The following MITF variants were observed in gnomAD, a reference collection of about 807,000 sequenced individuals.
The protein encoded by MITF is melanocyte inducing transcription factor.
Under a neutral mutation model 60.5 loss-of-function variants are expected in MITF, and 17 were observed. The ratio of observed to expected loss-of-function variants is 0.28; its 90% CI spans 0.19 to 0.42. The LOEUF (loss-of-function observed/expected upper bound fraction) is 0.42, where lower values mean the gene tolerates loss of function less well. MITF is among the 10% of genes least tolerant of loss of function. MITF has a pLI of 1.00. For missense variants in MITF, 622 were observed against 683.5 expected, an observed-to-expected ratio of 0.91 and a Z score of 1.00; for synonymous variants, 260 against 248.5, an observed-to-expected ratio of 1.05 and a Z score of -0.43.
chr3:69,879,842 G>A (rs9850565), intron 2 of MITF, among the ~76,000 whole-genome samples: 3,736 of 152,256 alleles, frequency 0.025, 143 homozygotes, highest in African/African-American at 0.083. Context: ...TTGAAGAAGA[G>A]CTTTCTGCGC....
At chr3:69,769,693 A>G (rs886247056) in intron 1 of MITF, 3 of 152,214 alleles carry the variant, frequency 2.0e-5, no homozygotes, top group African/African-American at 7.2e-5. Context: ...AAAGTGCACT[A>G]CAGCCCGGAA....
At chr3:69,782,933 A>G (rs534313884) in intron 1 of MITF, among the ~76,000 whole-genome samples, 3 of 152,358 alleles carry the variant, frequency 2.0e-5, no homozygotes, top group African/African-American at 7.2e-5. Flanking sequence ...CATTTCCTTA[A>G]CAGAGATGAG....
At chr3:69,852,302 C>T (rs1427006762) in intron 1 of MITF, among the ~76,000 whole-genome samples, 2 of 152,208 alleles carry the variant, frequency 1.3e-5, no homozygotes, top group East Asian at 1.9e-4. Flanking sequence ...TAGAGCATCA[C>T]TAGCACCCTT....
chr3:69,841,042 C>T (rs902422129), intron 1 of MITF, among the ~76,000 whole-genome samples: 5 of 152,168 alleles, frequency 3.3e-5, no homozygotes, highest in African/African-American at 1.2e-4. Context: ...GGGTGTGAGC[C>T]ACCACACCAG....
intron 1 of MITF, among the ~76,000 whole-genome samples, chr3:69,783,779 A>T (rs1415239881): frequency 6.6e-6 from 1 of 152,104 alleles, no homozygotes; most frequent in Non-Finnish European, 1.5e-5. Context: ...TGTCAGGGTC[A>T]CCTGGGGATG....
At chr3:69,922,255 C>T (rs572945224) in intron 2 of MITF, among the ~76,000 whole-genome samples, 1 of 152,202 alleles carries the variant, frequency 6.6e-6, no homozygotes, top group African/African-American at 2.4e-5. Context: ...CGGAGTCTCA[C>T]TCTGTCGCCA....
chr3:69,856,341 G>A (rs1457375251), intron 1 of MITF, among the ~76,000 whole-genome samples: 5 of 152,106 alleles, frequency 3.3e-5, no homozygotes, highest in Non-Finnish European at 7.4e-5. Flanking sequence ...ATGGAAATAG[G>A]TATTAAAATC....
At chr3:69,955,671 C>T (rs2066378610) in intron 7 of MITF, among the ~76,000 whole-genome samples, 2 of 151,876 alleles carry the variant, frequency 1.3e-5, no homozygotes, top group Admixed American at 1.3e-4. Flanking sequence ...AAAAATTAGC[C>T]AGGTGTGGTG....
chr3:69,909,556 G>C (rs2065177462), intron 2 of MITF, among the ~76,000 whole-genome samples: 1 of 152,150 alleles, frequency 6.6e-6, no homozygotes, highest in South Asian at 2.1e-4. Context: ...CTTGTTGAAT[G>C]GCTTTGACTA....
chr3:69,833,989 G>C (rs1185670838), intron 1 of MITF, among the ~76,000 whole-genome samples: 1 of 152,126 alleles, frequency 6.6e-6, no homozygotes, highest in East Asian at 1.9e-4. Context: ...CTTGAATTGT[G>C]ACTCAAAACA....
In MITF at chr3:69,965,212, C is replaced by G. The variant is rs749872337; in HGVS notation, c.1545C>G (p.Ser515Arg). The change falls in exon 10 of 10, where the codon AGC (serine) becomes AGG (arginine). Residue 515 changes from serine (S) to arginine (R), a missense_variant. Transcript: ENST00000352241. ...PGASKTSSRR[S>R]SMSMEETEHT... The stretch of plus-strand genomic sequence containing the variant: ...CTTCCAAAACAAGCAGCCGGAGGAG[C>G]AGTATGAGCATGGAAGAGACGGAGC... 2.5e-6 allele frequency: 4 copies of G among 1,613,872 alleles called. No individual in the cohort carries two copies. Among genetic ancestry groups the G allele is most frequent in the African/African-American group, 1.3e-5 (1 of 75,034 alleles).
intron 7 of MITF, among the ~76,000 whole-genome samples, chr3:69,953,052 G>A (rs1490579482): frequency 1.3e-5 from 2 of 152,104 alleles, no homozygotes; most frequent in South Asian, 2.1e-4. Context: ...AAACCGAACT[G>A]AGAGGCACAA....
At chr3:69,739,761 C>T (rs1049612545) in intron 1 of MITF, 60 bp downstream of exon 1, 10 of 1,278,082 alleles carry the variant, frequency 7.8e-6, no homozygotes, top group Non-Finnish European at 1.1e-5. Context: ...GCGTCTGCCA[C>T]TCTGGGGCGA....
chr3:69,852,721 G>A (rs1352011572), intron 1 of MITF, among the ~76,000 whole-genome samples: 1 of 152,138 alleles, frequency 6.6e-6, no homozygotes, highest in African/African-American at 2.4e-5. Context: ...TTCAGCTTTT[G>A]GTAGATACTG....
intron 1 of MITF, among the ~76,000 whole-genome samples, chr3:69,804,440 G>C (rs929906528): frequency 6.6e-6 from 1 of 151,676 alleles, no homozygotes; most frequent in Non-Finnish European, 1.5e-5. Flanking sequence ...TTATTCTGGC[G>C]TTTCCCTCTT....
intron 2 of MITF, among the ~76,000 whole-genome samples, chr3:69,917,923 C>A (rs1253055640): frequency 6.6e-6 from 1 of 152,074 alleles, no homozygotes; most frequent in Non-Finnish European, 1.5e-5. Flanking sequence ...CATTAAAATT[C>A]CACTTTGATC....
At chr3:69,770,935 G>A (rs773937902) in intron 1 of MITF, among the ~76,000 whole-genome samples, 32 of 152,144 alleles carry the variant, frequency 2.1e-4, no homozygotes, top group Non-Finnish European at 3.7e-4. Context: ...TGTGGGCTTA[G>A]CATTAACAAG....
At chr3:69,760,951 A>G (rs2062202875) in intron 1 of MITF, among the ~76,000 whole-genome samples, 2 of 152,190 alleles carry the variant, frequency 1.3e-5, no homozygotes, top group South Asian at 4.1e-4. Context: ...AAAGAAGGAG[A>G]AAAAGAATTG....
chr3:69,951,985 A>G (rs1195660504), intron 7 of MITF, 99 bp downstream of exon 7: 1 of 876,502 alleles, frequency 1.1e-6, no homozygotes, highest in African/African-American at 1.7e-5. Flanking sequence ...TGATTCCTAC[A>G]GCTGTTAAAA....
Sources: allele counts gnomAD v4.1 joint callset (sites outside exome capture counted in the v4.1 genomes callset), GRCh38; gene constraint gnomAD v4.1.1; transcripts MANE v1.5; gene names NCBI Gene and HGNC (gene_info 2026-07-23, HGNC 2026-07-21).